The following SCOC variants were observed in gnomAD, a reference collection of about 807,000 sequenced individuals.
SCOC encodes the protein short coiled-coil protein, also known as short coiled coil protein.
SCOC carries 7 observed loss-of-function variants against 9.9 expected under a neutral mutation model. The ratio of observed to expected loss-of-function variants is 0.71; its 90% CI spans 0.40 to 1.33. The LOEUF (loss-of-function observed/expected upper bound fraction) is 1.33. Among genes scored for constraint, SCOC ranks in the 40% most tolerant of loss-of-function variants. The pLI is 0.01. For synonymous variants in SCOC, 19 were observed against 28.2 expected (o/e 0.67, Z 1.03); for missense variants, 66 against 89.7 (o/e 0.74, Z 1.07).
At chr4:140,323,263 T>C (rs2126484737) in intron 1 of SCOC, among the ~76,000 whole-genome samples, 1 of 152,250 alleles carries the variant, frequency 6.6e-6, no homozygotes, top group South Asian at 2.1e-4. Context: ...TTTTTGCTCC[T>C]GCTCTAAGTG....
At chr4:140,303,286 G>A (rs1731866683) in intron 1 of SCOC, among the ~76,000 whole-genome samples, 1 of 152,200 alleles carries the variant, frequency 6.6e-6, no homozygotes, top group Non-Finnish European at 1.5e-5. Context: ...CTAGATGCAT[G>A]TATGAATGTT....
At chr4:140,339,691 C>A (rs1055225997), upstream of SCOC, among the ~76,000 whole-genome samples, 6 of 152,160 alleles carry the variant, frequency 3.9e-5, no homozygotes, top group African/African-American at 1.4e-4. Context: ...CCAAAAGACA[C>A]ATGAAAAAAT....
chr4:140,372,439 C>T (rs1728095599), upstream of SCOC, among the ~76,000 whole-genome samples: 1 of 152,126 alleles, frequency 6.6e-6, no homozygotes, highest in Non-Finnish European at 1.5e-5. Context: ...TTCAAATATT[C>T]CACAATCTTG....
intron 1 of SCOC, among the ~76,000 whole-genome samples, chr4:140,303,526 C>A (rs1039250875): frequency 1.3e-5 from 2 of 152,186 alleles, no homozygotes; most frequent in Non-Finnish European, 2.9e-5. Flanking sequence ...GGATCCTGAT[C>A]TATCTCTTTC....
At chr4:140,273,625 G>A (rs752079277) in intron 1 of SCOC, among the ~76,000 whole-genome samples, 1 of 148,712 alleles carries the variant, frequency 6.7e-6, no homozygotes, top group Non-Finnish European at 1.5e-5. Context: ...GCTCAGTGCC[G>A]AGCTCTGATT....
At chr4:140,271,242 A>G (rs1290828375) in intron 1 of SCOC, among the ~76,000 whole-genome samples, 2 of 152,194 alleles carry the variant, frequency 1.3e-5, no homozygotes, top group African/African-American at 4.8e-5. Flanking sequence ...GGGTCTTGAA[A>G]GTTGGATAGA....
At chr4:140,276,967 G>A (rs1730998781) in intron 1 of SCOC, among the ~76,000 whole-genome samples, 2 of 152,158 alleles carry the variant, frequency 1.3e-5, no homozygotes, top group African/African-American at 4.8e-5. Context: ...TCTCCTCATG[G>A]AGGTCTTTTA....
Position 140,381,702 on chromosome 4 carries a change from A to G in SCOC, c.*598A>G, listed in dbSNP as rs1323399427. 6.6e-6 allele frequency: 1 copy of G among 152,202 alleles called. No individual in the cohort carries two copies. The highest frequency in any genetic ancestry group is 2.4e-5 in the African/African-American group (1 of 41,454). The allele number at this position is 152,202 out of a possible 1,614,324, so 9.4% of individuals were successfully genotyped here. On this transcript the variant is annotated 3_prime_UTR_variant, in exon 4 of 4. Coordinates refer to ENST00000608372, the MANE Select transcript of SCOC (RefSeq NM_001153484.2). ...TATTTAGTGTTAAGATAGGAATGCTAGTGTCTCTTTAATTAATTGGAAATA... is the reference window on the plus strand; with the variant it reads ...TATTTAGTGTTAAGATAGGAATGCTGGTGTCTCTTTAATTAATTGGAAATA...
chr4:140,294,092 A>G (rs990827671), intron 1 of SCOC, among the ~76,000 whole-genome samples: 1 of 152,176 alleles, frequency 6.6e-6, no homozygotes, highest in Non-Finnish European at 1.5e-5. Context: ...TAAACCCAAC[A>G]CTGGCAGGTG....
chr4:140,283,327 A>G (rs1306091997), intron 1 of SCOC, among the ~76,000 whole-genome samples: 1 of 152,104 alleles, frequency 6.6e-6, no homozygotes, highest in African/African-American at 2.4e-5. Context: ...CTTCTACATC[A>G]CCTCTCCCAG....
chr4:140,274,580 C>T (rs1009031908), intron 1 of SCOC, among the ~76,000 whole-genome samples: 7 of 152,214 alleles, frequency 4.6e-5, no homozygotes, highest in Admixed American at 3.9e-4. Flanking sequence ...CTCTCCCTCC[C>T]TTCAGCCAGC....
At chr4:140,340,699 A>G (rs1726479360), upstream of SCOC, among the ~76,000 whole-genome samples, 1 of 151,260 alleles carries the variant, frequency 6.6e-6, no homozygotes, top group South Asian at 2.1e-4. Context: ...TCCACAGATA[A>G]TTCTCTACCT....
At chr4:140,364,896 C>T (rs1166110975) in intron 2 of SCOC, among the ~76,000 whole-genome samples, 2 of 152,048 alleles carry the variant, frequency 1.3e-5, no homozygotes, top group Non-Finnish European at 2.9e-5. Flanking sequence ...GCTTCTAGAT[C>T]CTTGGCTCTT....
intron 1 of SCOC, among the ~76,000 whole-genome samples, chr4:140,303,861 T>G (rs534606737): frequency 6.6e-6 from 1 of 152,188 alleles, no homozygotes; most frequent in South Asian, 2.1e-4. Flanking sequence ...GGGATATAGA[T>G]GATAAAGAAA....
At chr4:140,310,634 T>C (rs952220500) in intron 1 of SCOC, among the ~76,000 whole-genome samples, 13 of 152,222 alleles carry the variant, frequency 8.5e-5, no homozygotes, top group African/African-American at 2.7e-4. Context: ...TTTGAAAGCA[T>C]TGGGAAAAGT....
At chr4:140,303,906 T>C (rs1257598886) in intron 1 of SCOC, among the ~76,000 whole-genome samples, 1 of 152,230 alleles carries the variant, frequency 6.6e-6, no homozygotes, top group Non-Finnish European at 1.5e-5. Flanking sequence ...GTTACCTACA[T>C]ACGATTTGCT....
intron 2 of SCOC, among the ~76,000 whole-genome samples, chr4:140,352,544 T>C (rs1026308091): frequency 1.3e-5 from 2 of 152,216 alleles, no homozygotes; most frequent in African/African-American, 4.8e-5. Context: ...AGTGTATTGC[T>C]AGAAATTGTA....
At chr4:140,283,988 C>T (rs1303988727) in intron 1 of SCOC, 3 of 152,086 alleles carry the variant, frequency 2.0e-5, no homozygotes, top group South Asian at 2.1e-4. Flanking sequence ...TGCATCTGTA[C>T]TTGAAGTGAG....
At position 140,303,696 on chromosome 4, in the gene SCOC, T is replaced by C. The variant is rs1382904374; in HGVS notation, c.-18-39925T>C. ...AGTTCAGCTGGAGCTATGGGAACAA[T>C]ACTGGGAACTCTTACTTCCTTTGGG... On this transcript the variant is annotated intron_variant, in intron 1 of 4. Transcript: ENST00000394205. Among the ~76,000 whole-genome samples, 7 of 152,184 alleles carry C rather than the reference T, an allele frequency of 4.6e-5. No individual in the cohort carries two copies. The East Asian group carries it at 1.3e-3, about 29-fold the overall frequency.
Sources: gnomAD v4.1 joint callset for allele counts (sites outside exome capture counted in the v4.1 genomes callset) on GRCh38, gnomAD v4.1.1 for gene constraint, MANE v1.5 for transcripts, NCBI Gene and HGNC (gene_info 2026-07-23, HGNC 2026-07-21) for gene names.